The following LRBA variants were observed in gnomAD, a reference collection of about 807,000 sequenced individuals.
LRBA encodes lipopolysaccharide-responsive and beige-like anchor protein.
LRBA carries 176 observed loss-of-function variants against 330.0 expected under a neutral mutation model. That is an observed-to-expected ratio of 0.53 (90% CI 0.47 to 0.60). The LOEUF is 0.60. LRBA is among the 20% of genes least tolerant of loss of function. The pLI is 0.00. For missense variants in LRBA, 3,259 were observed against 3,444.8 expected (o/e 0.95, Z 1.35); for synonymous variants, 1,230 against 1,193.0 (o/e 1.03, Z -0.64).
intron 51 of LRBA, chr4:150,315,272 T>A (rs535205818): frequency 2.1e-6 from 1 of 478,042 alleles, no homozygotes; most frequent in African/African-American, 2.0e-5. Context: ...AAAGATCCAA[T>A]ATTATCCTGA....
chr4:150,282,340 G>C (rs1415099399), intron 55 of LRBA, 110 bp downstream of exon 55: 1 of 914,906 alleles, frequency 1.1e-6, no homozygotes, highest in Admixed American at 2.2e-5. Flanking sequence ...ATGGAAAAGA[G>C]GCCCTCGGCA....
At chr4:150,645,519 T>G (rs1779042549) in intron 37 of LRBA, among the ~76,000 whole-genome samples, 1 of 151,976 alleles carries the variant, frequency 6.6e-6, no homozygotes, top group Admixed American at 6.6e-5. Context: ...CAGAAGTATT[T>G]TTCAGATACT....
intron 33 of LRBA, among the ~76,000 whole-genome samples, chr4:150,804,496 A>G (rs560684321): frequency 7.6e-4 from 115 of 152,302 alleles, no homozygotes; most frequent in African/African-American, 2.4e-3. Flanking sequence ...TTGCATTTCC[A>G]TTATATCCTT....
chr4:150,509,891 C>T (rs1761634330), intron 40 of LRBA, among the ~76,000 whole-genome samples: 1 of 152,206 alleles, frequency 6.6e-6, no homozygotes, highest in Non-Finnish European at 1.5e-5. Flanking sequence ...AATCCCAGAA[C>T]TTTGGGAGAC....
intron 4 of LRBA, among the ~76,000 whole-genome samples, chr4:150,922,479 A>C (rs1733409078): frequency 6.6e-6 from 1 of 151,496 alleles, no homozygotes; most frequent in African/African-American, 2.4e-5. Flanking sequence ...GACCTGGATA[A>C]GACTGGAAAC....
intron 40 of LRBA, among the ~76,000 whole-genome samples, chr4:150,542,007 CT>C (rs1422137121): frequency 2.0e-5 from 3 of 152,168 alleles, no homozygotes; most frequent in Non-Finnish European, 4.4e-5. Context: ...ACAATATTTA[CT>C]GCATATATTG....
rs1351871149 is a variant in LRBA, at chr4:150,471,643, C to T, written c.6648G>A (p.Met2216Ile). The stretch of plus-strand genomic sequence containing the variant: ...GGTTACCTGCTATCGTGTTGAGAAA[C>T]ATCAAGTACTCAAAATTAGATATCT... ...HREISNFEYL[M>I]FLNTIAGRSY... The change falls in exon 43 of 57, where the codon ATG becomes ATA. Residue 2216 changes from methionine (M) to isoleucine (I), a missense_variant. Transcript: ENST00000651943. 6.3e-7 allele frequency: 1 copy of T among 1,597,296 alleles called. No homozygotes were observed. Among genetic ancestry groups the T allele is most frequent in the South Asian group, 1.1e-5 (1 of 88,110 alleles).
intron 2 of LRBA, among the ~76,000 whole-genome samples, chr4:150,981,294 T>C (rs1191602740): frequency 4.0e-5 from 6 of 151,216 alleles, no homozygotes; most frequent in African/African-American, 1.5e-4. Flanking sequence ...GCACCTGTAG[T>C]CCCAGCTACT....
At chr4:151,004,549 C>A (rs547854737) in intron 2 of LRBA, among the ~76,000 whole-genome samples, 49 of 152,280 alleles carry the variant, frequency 3.2e-4, no homozygotes, top group African/African-American at 1.2e-3. Context: ...ATTTAATATT[C>A]TCAGACCATG....
rs369324165 is a variant in LRBA, at chr4:150,435,503, C to T, written c.7041+86G>A. 6 of 1,224,992 alleles carry T rather than the reference C, an allele frequency of 4.9e-6. No homozygotes were observed. In the African/African-American group the frequency reaches 6.1e-5, roughly 12 times the overall value. 75.9% of individuals were successfully genotyped at this position (1,224,992 alleles called of 1,614,324 possible). ...TGAGATTTATCTTTTGTAAATAGGG[C>T]TGTATGGCAGTAGAGAAAATTTTCA... On this transcript the variant is annotated intron_variant, in intron 46 of 56. Coordinates refer to ENST00000651943, the MANE Select transcript of LRBA (RefSeq NM_001364905.1).
intron 2 of LRBA, among the ~76,000 whole-genome samples, chr4:150,966,475 ATTTTTTTT>A (rs36013649): frequency 2.6e-5 from 3 of 114,616 alleles, no homozygotes; most frequent in Non-Finnish European, 5.3e-5. Context: ...CACCCAGCTA[ATTTTTTTT>A]TTTTTTTTTT....
At chr4:150,579,723 C>G in intron 40 of LRBA, 1 of 456,558 alleles carries the variant, frequency 2.2e-6, no homozygotes, top group Non-Finnish European at 4.4e-6. Flanking sequence ...CCTGGGACGC[C>G]CCACCCGAGA....
At chr4:150,276,551 G>C (rs1436400023) in intron 56 of LRBA, among the ~76,000 whole-genome samples, 2 of 152,060 alleles carry the variant, frequency 1.3e-5, no homozygotes, top group Non-Finnish European at 2.9e-5. Flanking sequence ...CTAATATCCA[G>C]AATCTACAAA....
chr4:150,652,230 C>T (rs1465336949), intron 37 of LRBA, among the ~76,000 whole-genome samples: 1 of 152,142 alleles, frequency 6.6e-6, no homozygotes, highest in Non-Finnish European at 1.5e-5. Context: ...GTTTCTCTCT[C>T]TCCCTCTCCT....
Position 150,782,115 on chromosome 4 carries a change from CA to C in LRBA, c.5580+15965del, listed in dbSNP as rs1738327833. Among the ~76,000 whole-genome samples, 4 of 152,072 alleles carry C rather than the reference CA, an allele frequency of 2.6e-5. No homozygotes were observed. The South Asian group carries it at 8.3e-4, about 32-fold the overall frequency. ...AGAAACAGGGTTTTACCATGTTGCC[CA>C]GGCTGGTCTCAAACTCCTGGACTCA... On this transcript the variant is annotated intron_variant, in intron 34 of 56. Transcript: ENST00000651943.
At chr4:150,335,474 T>C (rs62346990) in intron 48 of LRBA, among the ~76,000 whole-genome samples, 25,611 of 127,400 alleles carry the variant, frequency 0.2, 2,704 homozygotes, top group Non-Finnish European at 0.28. Flanking sequence ...TGTATATATA[T>C]ACGTATATAT....
intron 40 of LRBA, among the ~76,000 whole-genome samples, chr4:150,543,576 TG>T (rs1481366148): frequency 1.3e-5 from 2 of 152,228 alleles, no homozygotes; most frequent in Non-Finnish European, 2.9e-5. Context: ...GAATAGAAAT[TG>T]GGGAACTATC....
At chr4:150,395,106 T>G (rs190323621) in intron 47 of LRBA, among the ~76,000 whole-genome samples, 213 of 152,248 alleles carry the variant, frequency 1.4e-3, no homozygotes, top group African/African-American at 4.9e-3. Flanking sequence ...TTCTAATTAC[T>G]TCAATCAATT....
At chr4:150,605,642 A>G (rs1774548041) in intron 37 of LRBA, among the ~76,000 whole-genome samples, 1 of 152,164 alleles carries the variant, frequency 6.6e-6, no homozygotes, top group Non-Finnish European at 1.5e-5. Flanking sequence ...GAGCACTGTC[A>G]GCTTGAAGAT....
Sources: gnomAD v4.1 joint callset for allele counts (sites outside exome capture counted in the v4.1 genomes callset) on GRCh38, gnomAD v4.1.1 for gene constraint, MANE v1.5 for transcripts, NCBI Gene and HGNC (gene_info 2026-07-23, HGNC 2026-07-21) for gene names.